The following COLEC10 variants were observed in gnomAD, a reference collection of about 807,000 sequenced individuals.
The protein encoded by COLEC10 is collectin-10.
In COLEC10, 22 loss-of-function variants were observed where a neutral mutation model predicts 28.4. That is an observed-to-expected ratio of 0.78 (90% CI 0.55 to 1.11). The LOEUF is 1.11. Among genes scored for constraint, COLEC10 ranks in the 50% least tolerant of loss-of-function variants. The pLI is 0.00. For missense variants in COLEC10, 361 were observed against 344.1 expected (o/e 1.05, Z -0.39); for synonymous variants, 125 against 116.1 (o/e 1.08, Z -0.49).
At chr8:119,008,191 A>T (rs1284238971) in intron 1 of COLEC10, among the ~76,000 whole-genome samples, 1 of 150,888 alleles carries the variant, frequency 6.6e-6, no homozygotes, top group African/African-American at 2.5e-5. Context: ...TAATTTTTTC[A>T]AACTGAGAAC....
chr8:119,096,653 A>G (rs1218371717), intron 3 of COLEC10, among the ~76,000 whole-genome samples: 3 of 152,086 alleles, frequency 2.0e-5, no homozygotes, highest in Non-Finnish European at 4.4e-5. Context: ...CAGAGAACAA[A>G]AAAGGAAACC....
At chr8:119,099,559 T>G (rs1176295487) in intron 3 of COLEC10, among the ~76,000 whole-genome samples, 1 of 150,474 alleles carries the variant, frequency 6.6e-6, no homozygotes, top group African/African-American at 2.4e-5. Context: ...AACCCTGGTT[T>G]TGGGGAGCTT....
intron 1 of COLEC10, among the ~76,000 whole-genome samples, chr8:119,008,144 C>G (rs12677367): frequency 6.6e-6 from 1 of 150,802 alleles, no homozygotes; most frequent in African/African-American, 2.5e-5. Flanking sequence ...CAGTTCAAGA[C>G]CCACACAACT....
the COLEC10 span, among the ~76,000 whole-genome samples, chr8:118,980,646 A>G: frequency 3.3e-5 from 5 of 152,108 alleles, no homozygotes; most frequent in South Asian, 8.3e-4. Context: ...GATTTTATGT[A>G]TTGTCTTAGC....
the COLEC10 span, among the ~76,000 whole-genome samples, chr8:118,980,202 C>CTTTT: frequency 7.3e-6 from 1 of 137,090 alleles, no homozygotes; most frequent in African/African-American, 2.7e-5. Flanking sequence ...ATAAAACATT[C>CTTTT]TTTTTTTTTT....
intron 2 of COLEC10, among the ~76,000 whole-genome samples, chr8:119,022,029 G>C (rs1814107516): frequency 6.6e-6 from 1 of 152,084 alleles, no homozygotes; most frequent in Admixed American, 6.6e-5. Flanking sequence ...TTTATAGTCA[G>C]TAGCCTTTCC....
the COLEC10 span, among the ~76,000 whole-genome samples, chr8:118,962,930 C>T: frequency 7.9e-5 from 12 of 152,240 alleles, no homozygotes; most frequent in East Asian, 2.3e-3. Context: ...ATTGTAAGAA[C>T]CTTCTAAGTG....
the COLEC10 span, chr8:118,982,591 GA>G: frequency 5.1e-6 from 1 of 194,198 alleles, no homozygotes; most frequent in East Asian, 1.2e-4. Context: ...TTTTCCTTCT[GA>G]AAAGCTGTCC....
At chr8:118,978,560 T>TTCTA in the COLEC10 span, among the ~76,000 whole-genome samples, 2 of 151,326 alleles carry the variant, frequency 1.3e-5, no homozygotes, top group East Asian at 3.9e-4. Flanking sequence ...CTATTTGCAT[T>TTCTA]TTTGTTCTCT....
At chr8:119,019,860 C>G (rs1051034094) in intron 2 of COLEC10, among the ~76,000 whole-genome samples, 1 of 152,100 alleles carries the variant, frequency 6.6e-6, no homozygotes, top group Non-Finnish European at 1.5e-5. Flanking sequence ...ATTAATAAAG[C>G]TAAACAGCCT....
intron 2 of COLEC10, among the ~76,000 whole-genome samples, chr8:119,056,460 T>A (rs1467302586): frequency 1.3e-5 from 2 of 152,040 alleles, no homozygotes; most frequent in Admixed American, 1.3e-4. Flanking sequence ...TTTCCCTTCA[T>A]GCCTAGAATG....
intron 3 of COLEC10, among the ~76,000 whole-genome samples, chr8:119,093,330 C>T (rs1390120854): frequency 6.6e-6 from 1 of 152,180 alleles, no homozygotes; most frequent in African/African-American, 2.4e-5. Flanking sequence ...TTCCCTTCAG[C>T]CTGCATTCGG....
the COLEC10 span, among the ~76,000 whole-genome samples, chr8:118,959,606 C>T: frequency 6.6e-6 from 1 of 152,162 alleles, no homozygotes; most frequent in Non-Finnish European, 1.5e-5. Context: ...AGTGATTGTA[C>T]CTTGAGCTGT....
intron 3 of COLEC10, among the ~76,000 whole-genome samples, chr8:119,096,779 G>A (rs950742160): frequency 1.3e-5 from 2 of 151,854 alleles, no homozygotes; most frequent in Non-Finnish European, 2.9e-5. Flanking sequence ...AATAAAAAAG[G>A]TCAAAAGAAT....
chr8:119,074,966 C>T (rs1017684375), intron 1 of COLEC10, among the ~76,000 whole-genome samples: 19 of 152,066 alleles, frequency 1.2e-4, no homozygotes, highest in Admixed American at 3.3e-4. Context: ...TGAGTTAAGC[C>T]GCGTAAAGCT....
the COLEC10 span, among the ~76,000 whole-genome samples, chr8:118,959,263 G>A: frequency 6.6e-6 from 1 of 152,220 alleles, no homozygotes; most frequent in African/African-American, 2.4e-5. Context: ...AGCATAGGAT[G>A]AAGATCTGGA....
chr8:119,092,632 G>A (rs904858139), intron 3 of COLEC10, among the ~76,000 whole-genome samples: 1 of 152,176 alleles, frequency 6.6e-6, no homozygotes, highest in Admixed American at 6.5e-5. Flanking sequence ...GAGGCCGGAT[G>A]CAGTGGCTCA....
At chr8:119,032,889 G>A (rs779464831) in intron 2 of COLEC10, among the ~76,000 whole-genome samples, 19 of 152,228 alleles carry the variant, frequency 1.2e-4, no homozygotes, top group South Asian at 2.1e-4. Flanking sequence ...GCGGCAGAGT[G>A]AGACTCCATC....
chr8:119,029,076 CAA>C (rs1339512364), intron 2 of COLEC10, among the ~76,000 whole-genome samples: 26 of 152,108 alleles, frequency 1.7e-4, no homozygotes, highest in African/African-American at 6.0e-4. Context: ...AGGGAATGTG[CAA>C]CATGTAACAG....
Sources: gnomAD v4.1 joint callset for allele counts (sites outside exome capture counted in the v4.1 genomes callset) on GRCh38, gnomAD v4.1.1 for gene constraint, MANE v1.5 for transcripts, NCBI Gene and HGNC (gene_info 2026-07-23, HGNC 2026-07-21) for gene names.